Variants in SGCG observed in about 807,000 individuals in gnomAD.
The protein encoded by SGCG is sarcoglycan gamma, also known as gamma-sarcoglycan.
In SGCG, 26 loss-of-function variants were observed where a neutral mutation model predicts 29.3. The observed-to-expected ratio is 0.89, with a 90% CI of 0.65 to 1.23. SGCG has a LOEUF of 1.23. SGCG is among the 50% of genes most tolerant of loss of function. The pLI is 0.00. For synonymous variants in SGCG, 145 were observed against 129.7 expected (o/e 1.12, Z -0.80); for missense variants, 353 against 356.0 (o/e 0.99, Z 0.07).
At chr13:23,232,582 A>G (rs1322125976) in intron 2 of SGCG, among the ~76,000 whole-genome samples, 1 of 152,148 alleles carries the variant, frequency 6.6e-6, no homozygotes, top group Non-Finnish European at 1.5e-5. Flanking sequence ...GGAGATCAAG[A>G]CCATCCTGGC....
intron 6 of SGCG, among the ~76,000 whole-genome samples, chr13:23,316,567 C>A (rs1882819204): frequency 6.6e-6 from 1 of 152,104 alleles, no homozygotes; most frequent in Non-Finnish European, 1.5e-5. Context: ...TCCAGAAGGC[C>A]GTGTATGCTC....
chr13:23,258,195 C>T (rs557447803), intron 4 of SGCG, among the ~76,000 whole-genome samples: 1 of 152,264 alleles, frequency 6.6e-6, no homozygotes, highest in Non-Finnish European at 1.5e-5. Context: ...AATGTTCTTC[C>T]ATTTGTTTGT....
intron 6 of SGCG, among the ~76,000 whole-genome samples, chr13:23,301,615 G>T (rs543695525): frequency 6.6e-6 from 1 of 152,150 alleles, no homozygotes; most frequent in South Asian, 2.1e-4. Context: ...GGTCCGGCGC[G>T]GTGGCTCACG....
chr13:23,164,003 C>G, the SGCG span, among the ~76,000 whole-genome samples: 1 of 152,122 alleles, frequency 6.6e-6, no homozygotes, highest in African/African-American at 2.4e-5. Flanking sequence ...GCAAATGCCC[C>G]CTGCATATTA....
At chr13:23,299,897 C>T (rs1239737601) in intron 6 of SGCG, among the ~76,000 whole-genome samples, 1 of 152,028 alleles carries the variant, frequency 6.6e-6, no homozygotes, top group Non-Finnish European at 1.5e-5. Context: ...GTTTATGTGC[C>T]AGATATAAAA....
chr13:23,314,407 T>TAA lies in SGCG; in HGVS notation c.579-6229_579-6228dup, dbSNP rs1555247271. 2.1e-4 allele frequency among the ~76,000 whole-genome samples: 29 copies of TAA among 140,940 alleles called. 1 individual carries two copies. Among genetic ancestry groups the TAA allele is most frequent in the African/African-American group, 7.4e-4 (28 of 37,952 alleles). The allele number at this position is 140,940 out of a possible 152,430, so 92.5% of individuals were successfully genotyped here. On this transcript the variant is annotated intron_variant, in intron 6 of 7. Transcript: ENST00000218867. ...TTATATATATATATATATATATATATAATCTTATTCTGTCCCTAATAAGAT... is the reference window on the plus strand; with the variant it reads ...TTATATATATATATATATATATATATAAAATCTTATTCTGTCCCTAATAAGAT...
intron 6 of SGCG, among the ~76,000 whole-genome samples, chr13:23,300,663 G>A (rs560253055): frequency 6.6e-6 from 1 of 152,156 alleles, no homozygotes; most frequent in African/African-American, 2.4e-5. Context: ...CTCCGAGGTG[G>A]CAAATTAACA....
At chr13:23,292,397 A>C (rs898825388) in intron 5 of SGCG, among the ~76,000 whole-genome samples, 3 of 152,242 alleles carry the variant, frequency 2.0e-5, no homozygotes, top group African/African-American at 7.2e-5. Flanking sequence ...GGCGTGAGCC[A>C]CTGCGCCCAC....
At chr13:23,219,442 A>G (rs1566004446) in intron 2 of SGCG, among the ~76,000 whole-genome samples, 3 of 152,150 alleles carry the variant, frequency 2.0e-5, no homozygotes, top group Admixed American at 6.5e-5. Context: ...TTATCAGAAA[A>G]CAAGTTTTCC....
chr13:23,165,281 T>C, the SGCG span, among the ~76,000 whole-genome samples: 1 of 152,218 alleles, frequency 6.6e-6, no homozygotes, highest in Non-Finnish European at 1.5e-5. Flanking sequence ...TTTCAGGCTG[T>C]TTTTGAACAA....
intron 1 of SGCG, among the ~76,000 whole-genome samples, chr13:23,195,519 T>G (rs1179993429): frequency 6.6e-6 from 1 of 152,140 alleles, no homozygotes; most frequent in Non-Finnish European, 1.5e-5. Flanking sequence ...GTTTTGTTTT[T>G]TTCTCTTTTC....
intron 2 of SGCG, among the ~76,000 whole-genome samples, chr13:23,222,350 C>T (rs1469365095): frequency 6.8e-6 from 1 of 146,820 alleles, no homozygotes. Flanking sequence ...CACAGACATG[C>T]AGATGTTCTT....
At chr13:23,302,910 A>C (rs1021664546) in intron 6 of SGCG, among the ~76,000 whole-genome samples, 1 of 152,182 alleles carries the variant, frequency 6.6e-6, no homozygotes, top group South Asian at 2.1e-4. Flanking sequence ...TTTATTTTTT[A>C]AAAAGTCACT....
At chr13:23,234,468 C>G in intron 2 of SGCG, 143 bp from the exon 3 acceptor site, 2 of 586,166 alleles carry the variant, frequency 3.4e-6, no homozygotes, top group Non-Finnish European at 5.9e-6. Flanking sequence ...ATTAAAGATG[C>G]AAAGTTTTAA....
chr13:23,235,744 G>C (rs1418024443), intron 3 of SGCG, among the ~76,000 whole-genome samples: 1 of 152,218 alleles, frequency 6.6e-6, no homozygotes, highest in African/African-American at 2.4e-5. Flanking sequence ...GTTATGTGAA[G>C]AGCAGAGTCT....
intron 1 of SGCG, among the ~76,000 whole-genome samples, chr13:23,192,278 ACT>A (rs1877303361): frequency 6.6e-6 from 1 of 151,854 alleles, no homozygotes; most frequent in African/African-American, 2.4e-5. Context: ...ATAATATGTA[ACT>A]CTATCATTTT....
At chr13:23,223,276 CAAAAAAAAA>C (rs10569811) in intron 2 of SGCG, among the ~76,000 whole-genome samples, 6 of 103,828 alleles carry the variant, frequency 5.8e-5, no homozygotes, top group African/African-American at 3.7e-5. Context: ...GACTCTGTCA[CAAAAAAAAA>C]AAAAAAAAAA....
intron 2 of SGCG, among the ~76,000 whole-genome samples, chr13:23,204,511 T>C (rs12427990): frequency 0.013 from 2,025 of 152,298 alleles, 47 homozygotes; most frequent in Admixed American, 0.045. Context: ...GATAAAAATA[T>C]TGCAGAGAAC....
chr13:23,275,502 T>TA (rs1881038488), intron 4 of SGCG, among the ~76,000 whole-genome samples: 3 of 91,324 alleles, frequency 3.3e-5, no homozygotes, highest in Non-Finnish European at 5.8e-5. Context: ...GACCCTGTCT[T>TA]TAAAAAAAAA....
Sources: allele counts gnomAD v4.1 joint callset (sites outside exome capture counted in the v4.1 genomes callset), GRCh38; gene constraint gnomAD v4.1.1; transcripts MANE v1.5; gene names NCBI Gene and HGNC (gene_info 2026-07-23, HGNC 2026-07-21).